Variants in TMEM245 observed in about 807,000 individuals in gnomAD.
TMEM245 encodes the protein transmembrane protein 245.
A neutral mutation model predicts 101.2 loss-of-function variants in TMEM245; 69 were observed. The observed-to-expected ratio is 0.68, with a 90% CI of 0.56 to 0.83. The LOEUF (loss-of-function observed/expected upper bound fraction) is 0.83, where lower values mean the gene tolerates loss of function less well. Among genes scored for constraint, TMEM245 ranks in the 40% least tolerant of loss-of-function variants. TMEM245 has a pLI of 0.00. For missense variants in TMEM245, 1,075 were observed against 1,092.8 expected, an observed-to-expected ratio of 0.98 and a Z score of 0.23; for synonymous variants, 537 against 449.8, an observed-to-expected ratio of 1.19 and a Z score of -2.45.
chr9:109,090,773 T>G, intron 5 of TMEM245, 149 bp downstream of exon 5: 1 of 665,432 alleles, frequency 1.5e-6, no homozygotes, highest in Non-Finnish European at 2.5e-6. Context: ...ATTAACCAAA[T>G]GGTGTTTGTT....
chr9:109,101,285 G>T (rs962799557), intron 3 of TMEM245, among the ~76,000 whole-genome samples: 1 of 152,086 alleles, frequency 6.6e-6, no homozygotes, highest in Non-Finnish European at 1.5e-5. Flanking sequence ...ACCCACACAA[G>T]TGACTGGAAA....
chr9:109,099,932 T>C (rs551457998), intron 3 of TMEM245, among the ~76,000 whole-genome samples: 1 of 152,332 alleles, frequency 6.6e-6, no homozygotes. Flanking sequence ...CTCGCCCTTG[T>C]ACCACGTGAT....
rs768480274 is a variant in TMEM245, at chr9:109,080,872, T to C, written c.1416A>G (p.Gly472=). 7 of 1,608,420 alleles carry C rather than the reference T, an allele frequency of 4.4e-6. No individual in the cohort carries two copies. In the South Asian group the frequency reaches 7.7e-5, roughly 18 times the overall value. The stretch of plus-strand genomic sequence containing the variant: ...TCAGGAGTAGGGCTAAAAGAAGAGT[T>C]CCTATCACTAACAAAAATATGATGA... ...SIFIIFLLVI[G]TLLLALLLTA... is the part of the protein sequence containing the mutation. Residue 472 remains glycine, a synonymous_variant, in exon 8 of 18, where the codon GGA becomes GGG. Transcript: ENST00000374586.
At chr9:109,046,391 G>C (rs1439943532) in intron 14 of TMEM245, 3 of 456,840 alleles carry the variant, frequency 6.6e-6, no homozygotes, top group Non-Finnish European at 1.4e-5. Context: ...AAATGGTCTG[G>C]GGATAAAGGA....
At chr9:109,080,776 A>G in intron 8 of TMEM245, 63 bp downstream of exon 8, 5 of 1,051,958 alleles carry the variant, frequency 4.8e-6, no homozygotes, top group Non-Finnish European at 7.1e-6. Context: ...CTAGCTTTTA[A>G]TCCAGACTAC....
chr9:109,090,343 G>A (rs941350188), intron 5 of TMEM245, among the ~76,000 whole-genome samples: 1 of 152,112 alleles, frequency 6.6e-6, no homozygotes, highest in Non-Finnish European at 1.5e-5. Context: ...ATCATGGATG[G>A]CTAAACAATC....
chr9:109,049,915 A>T (rs1287085686), intron 14 of TMEM245, among the ~76,000 whole-genome samples: 1 of 152,126 alleles, frequency 6.6e-6, no homozygotes, highest in Non-Finnish European at 1.5e-5. Flanking sequence ...TCAGCCTCCC[A>T]AGTAGCTGGG....
intron 1 of TMEM245, 27 bp downstream of exon 1, chr9:109,119,308 G>A (rs1327446299): frequency 6.6e-7 from 1 of 1,516,348 alleles, no homozygotes; most frequent in Non-Finnish European, 8.8e-7. Context: ...ACGGGCGGGG[G>A]ACGGGGGCGG....
chr9:109,069,930 C>A (rs544041554), intron 9 of TMEM245, among the ~76,000 whole-genome samples: 6 of 152,308 alleles, frequency 3.9e-5, no homozygotes, highest in African/African-American at 1.4e-4. Flanking sequence ...AGCTGCTAAA[C>A]CCAATTTCAC....
chr9:109,117,826 A>G (rs748793918), intron 1 of TMEM245, among the ~76,000 whole-genome samples: 10 of 152,262 alleles, frequency 6.6e-5, no homozygotes, highest in Admixed American at 6.5e-5. Context: ...TGTCTTTGAC[A>G]AAACTGAATT....
chr9:109,062,907 T>C (rs550444558), intron 10 of TMEM245, among the ~76,000 whole-genome samples: 1 of 151,922 alleles, frequency 6.6e-6, no homozygotes, highest in African/African-American at 2.4e-5. Flanking sequence ...GAGGTGGAAG[T>C]TGCAGTGAGC....
chr9:109,055,157 AAC>A (rs1351300495), intron 12 of TMEM245, among the ~76,000 whole-genome samples: 1 of 152,252 alleles, frequency 6.6e-6, no homozygotes, highest in African/African-American at 2.4e-5. Flanking sequence ...ATTCATCAAT[AAC>A]AGACACTTTT....
At position 109,087,283 on chromosome 9, in the gene TMEM245, A is replaced by T. The variant is rs774661819; in HGVS notation, c.1210T>A (p.Tyr404Asn). 1.2e-6 allele frequency: 2 copies of T among 1,613,616 alleles called. No homozygotes were observed. Among genetic ancestry groups the T allele is most frequent in the East Asian group, 4.5e-5 (2 of 44,852 alleles). The change falls in exon 6 of 18, where the codon TAC becomes AAC. Residue 404 changes from tyrosine to asparagine, a missense_variant. This residue lies in a region of TMEM245 where 808 missense variants were observed against 741.5 expected (regional missense o/e 1.09). Coordinates refer to ENST00000374586, the MANE Select transcript of TMEM245 (RefSeq NM_032012.4). ...FGVVDFLEKR[Y>N]HVWWGIIESF... The stretch of plus-strand genomic sequence containing the variant: ...TCTATAATGCCCCACCACACATGGT[A>T]GCGTTTCTCTAGGAAATCCACAACT...
intron 3 of TMEM245, among the ~76,000 whole-genome samples, chr9:109,103,030 G>A (rs1053867618): frequency 3.3e-5 from 5 of 152,134 alleles, no homozygotes; most frequent in Non-Finnish European, 5.9e-5. Flanking sequence ...GCAGATATAG[G>A]TCACTCACAG....
intron 8 of TMEM245, among the ~76,000 whole-genome samples, chr9:109,075,945 T>C (rs1056476576): frequency 6.6e-6 from 1 of 152,208 alleles, no homozygotes; most frequent in African/African-American, 2.4e-5. Context: ...AAGTCACTGA[T>C]TTTCCTTTTT....
In TMEM245 at chr9:109,019,487, A is replaced by G. The variant is rs1274671962; in HGVS notation, c.*973T>C. The G allele has an allele frequency of 6.6e-6, 1 of 152,268 alleles. No individual in the cohort carries two copies. Among genetic ancestry groups the G allele is most frequent in the Admixed American group, 6.5e-5 (1 of 15,288 alleles). 9.4% of individuals were successfully genotyped at this position (152,268 alleles called of 1,614,324 possible). On this transcript the variant is annotated 3_prime_UTR_variant, in exon 18 of 18. Transcript: ENST00000374586. ...TATGCTGGTTATTGTGATATCTGAG[A>G]TATTTTTAAAGTTGCAATTCAATTC...
chr9:109,092,260 C>T (rs1306164868), intron 4 of TMEM245, among the ~76,000 whole-genome samples: 5 of 152,170 alleles, frequency 3.3e-5, no homozygotes, highest in Non-Finnish European at 2.9e-5. Context: ...AATGACTTCC[C>T]TGTTGTTTCA....
At chr9:109,046,100 T>G (rs956377165) in intron 14 of TMEM245, 1 of 269,350 alleles carries the variant, frequency 3.7e-6, no homozygotes, top group African/African-American at 2.2e-5. Context: ...GGAAGCATGT[T>G]CACTTTCCAA....
chr9:109,027,793 C>A (rs981674167), intron 17 of TMEM245, among the ~76,000 whole-genome samples: 2 of 152,052 alleles, frequency 1.3e-5, no homozygotes, highest in East Asian at 3.9e-4. Flanking sequence ...TCAAGTGATT[C>A]TCCTGCCTCA....
Sources: allele counts gnomAD v4.1 joint callset (sites outside exome capture counted in the v4.1 genomes callset), GRCh38; gene constraint gnomAD v4.1.1; regional missense constraint gnomAD v4.1.1; transcripts MANE v1.5; gene names NCBI Gene and HGNC (gene_info 2026-07-23, HGNC 2026-07-21).